The following FCHSD2 variants were observed in gnomAD, a reference collection of about 807,000 sequenced individuals.
FCHSD2 encodes the protein F-BAR and double SH3 domains protein 2.
In FCHSD2, 38 loss-of-function variants were observed where a neutral mutation model predicts 108.1. The ratio of observed to expected loss-of-function variants is 0.35; its 90% CI spans 0.27 to 0.46. FCHSD2 has a LOEUF of 0.46. Among genes scored for constraint, FCHSD2 ranks in the 20% least tolerant of loss-of-function variants. The pLI is 1.00. For missense variants in FCHSD2, 751 were observed against 897.8 expected, an observed-to-expected ratio of 0.84 and a Z score of 2.09; for synonymous variants, 279 against 314.7, an observed-to-expected ratio of 0.89 and a Z score of 1.20.
chr11:72,879,700 C>T (rs976227862), intron 12 of FCHSD2, among the ~76,000 whole-genome samples: 26 of 152,130 alleles, frequency 1.7e-4, no homozygotes, highest in African/African-American at 4.6e-4. Flanking sequence ...CTAATAATAA[C>T]TCATCAAACT....
chr11:72,850,985 G>A (rs963319533), intron 13 of FCHSD2, among the ~76,000 whole-genome samples: 1 of 150,516 alleles, frequency 6.6e-6, no homozygotes. Context: ...TGAAGTCCCA[G>A]CTACTGCGAA....
intron 8 of FCHSD2, among the ~76,000 whole-genome samples, chr11:72,942,792 T>C (rs1856445767): frequency 6.6e-6 from 1 of 152,234 alleles, no homozygotes; most frequent in Non-Finnish European, 1.5e-5. Flanking sequence ...CTCACTGTTT[T>C]GTTTTTAGAC....
chr11:73,064,208 G>C (rs1176055623), intron 3 of FCHSD2, among the ~76,000 whole-genome samples: 1 of 151,904 alleles, frequency 6.6e-6, no homozygotes, highest in Non-Finnish European at 1.5e-5. Context: ...ATGAAATGAA[G>C]ACAGAAATAA....
chr11:72,911,453 G>A (rs1163710771), intron 9 of FCHSD2, among the ~76,000 whole-genome samples: 6 of 152,266 alleles, frequency 3.9e-5, no homozygotes, highest in Middle Eastern at 3.4e-3. Flanking sequence ...TAGCTGGATA[G>A]CTTTGGTTAT....
At chr11:72,965,986 T>C (rs1019024902) in intron 8 of FCHSD2, among the ~76,000 whole-genome samples, 1 of 152,176 alleles carries the variant, frequency 6.6e-6, no homozygotes, top group Non-Finnish European at 1.5e-5. Flanking sequence ...CATGATTCTA[T>C]TCACATAAAG....
chr11:73,039,564 A>T (rs991587939), intron 3 of FCHSD2, among the ~76,000 whole-genome samples: 2 of 152,112 alleles, frequency 1.3e-5, no homozygotes, highest in Non-Finnish European at 1.5e-5. Context: ...TGTCACATGT[A>T]AGTTTGTCAC....
chr11:73,002,100 C>T (rs1347130227), intron 4 of FCHSD2, among the ~76,000 whole-genome samples: 1 of 152,134 alleles, frequency 6.6e-6, no homozygotes, highest in Non-Finnish European at 1.5e-5. Context: ...TATCGATTTT[C>T]AACCACAGCA....
rs549256890 is a variant in FCHSD2 at position 72,851,658 on chromosome 11, G to T, written c.1309-1769C>A. Among the ~76,000 whole-genome samples, 334 of 152,156 alleles carry T rather than the reference G, an allele frequency of 2.2e-3. 3 individuals carry two copies. Among genetic ancestry groups the T allele is most frequent in the African/African-American group, 7.8e-3 (322 of 41,516 alleles). On this transcript the variant is annotated intron_variant, in intron 13 of 19. Coordinates refer to ENST00000409418, the MANE Select transcript of FCHSD2 (RefSeq NM_014824.3). The stretch of plus-strand genomic sequence containing the variant: ...CTTGGGAGGCTGAGGCAGGAGAATT[G>T]CTTGAACCTGGGAGGCAGAGGTTGC...
chr11:73,084,232 G>T (rs894743780), intron 2 of FCHSD2, among the ~76,000 whole-genome samples: 6 of 152,150 alleles, frequency 3.9e-5, no homozygotes, highest in Admixed American at 6.5e-5. Context: ...ATTTTGATTG[G>T]CTTCTGAATA....
At chr11:73,045,853 C>T (rs959810295) in intron 3 of FCHSD2, among the ~76,000 whole-genome samples, 2 of 151,610 alleles carry the variant, frequency 1.3e-5, no homozygotes, top group African/African-American at 2.4e-5. Context: ...ACCAGCATGG[C>T]ACATGTATAC....
chr11:72,966,063 ATAAAGAAAAGCATGGGAACATTTAAT>A (rs2135378809), intron 8 of FCHSD2, among the ~76,000 whole-genome samples: 1 of 152,370 alleles, frequency 6.6e-6, no homozygotes, highest in South Asian at 2.1e-4. Flanking sequence ...TAATAAAACA[ATAAAGAAAAGCATGGGAACATTTAAT>A]ATAACTACCA....
At chr11:72,864,479 A>G (rs1420546539) in intron 13 of FCHSD2, among the ~76,000 whole-genome samples, 1 of 152,188 alleles carries the variant, frequency 6.6e-6, no homozygotes, top group African/African-American at 2.4e-5. Context: ...CCAAAGGTTG[A>G]GACTGCAGTG....
At chr11:72,896,437 A>G (rs1451205376) in intron 10 of FCHSD2, among the ~76,000 whole-genome samples, 1 of 152,162 alleles carries the variant, frequency 6.6e-6, no homozygotes, top group African/African-American at 2.4e-5. Context: ...AAATGCCCCT[A>G]ATGGCACTCA....
In FCHSD2 at chr11:73,073,986, T is replaced by G. The variant is rs192342195; in HGVS notation, c.165+9709A>C. On this transcript the variant is annotated intron_variant, in intron 3 of 19. Transcript: ENST00000409418. ...GAAATTAACAAACTGATTCTAAAAT[T>G]TATAAGAAAATATAAAGGGCAATAA... is the stretch of plus-strand genomic sequence containing the variant. Among the ~76,000 whole-genome samples the G allele has an allele frequency of 4.6e-5, 7 of 152,206 alleles. No homozygotes were observed. In the East Asian group the frequency reaches 1.4e-3, roughly 29 times the overall value.
chr11:72,874,712 T>C (rs1854930686), intron 12 of FCHSD2, among the ~76,000 whole-genome samples: 1 of 152,206 alleles, frequency 6.6e-6, no homozygotes, highest in Non-Finnish European at 1.5e-5. Flanking sequence ...AAACATGGTA[T>C]TTGCCAACTC....
intron 8 of FCHSD2, among the ~76,000 whole-genome samples, chr11:72,972,970 A>G (rs1400955607): frequency 6.6e-6 from 1 of 152,236 alleles, no homozygotes; most frequent in African/African-American, 2.4e-5. Context: ...ATATTCCCTT[A>G]AGAATCTCTA....
intron 2 of FCHSD2, among the ~76,000 whole-genome samples, chr11:73,088,414 T>C (rs1376161531): frequency 6.6e-6 from 1 of 152,124 alleles, no homozygotes; most frequent in Non-Finnish European, 1.5e-5. Flanking sequence ...ATGCACTTCT[T>C]AGAATGTATC....
At chr11:72,958,172 C>A (rs557290748) in intron 8 of FCHSD2, among the ~76,000 whole-genome samples, 75 of 152,234 alleles carry the variant, frequency 4.9e-4, no homozygotes, top group African/African-American at 1.7e-3. Flanking sequence ...AGATGGCTTG[C>A]TTTAAATCAA....
At chr11:73,001,409 T>C (rs1051154840) in intron 4 of FCHSD2, among the ~76,000 whole-genome samples, 7 of 152,216 alleles carry the variant, frequency 4.6e-5, no homozygotes, top group African/African-American at 1.4e-4. Flanking sequence ...CTATAAAAAT[T>C]AGTGAATATT....
Sources: gnomAD v4.1 joint callset for allele counts (sites outside exome capture counted in the v4.1 genomes callset) on GRCh38, gnomAD v4.1.1 for gene constraint, MANE v1.5 for transcripts, NCBI Gene and HGNC (gene_info 2026-07-23, HGNC 2026-07-21) for gene names.